The following EXOC6 variants were observed in gnomAD, a reference collection of about 807,000 sequenced individuals.
The protein encoded by EXOC6 is SEC15-like 1.
EXOC6 carries 60 observed loss-of-function variants against 112.5 expected under a neutral mutation model. The ratio of observed to expected loss-of-function variants is 0.53; its 90% CI spans 0.43 to 0.66. EXOC6 has a LOEUF of 0.66. EXOC6 is among the 30% of genes least tolerant of loss of function. The probability of loss-of-function intolerance (pLI) is 0.00; values close to 1 mark genes in which losing one functional copy is unlikely to be tolerated. For synonymous variants in EXOC6, 295 were observed against 308.0 expected (o/e 0.96, Z 0.44); for missense variants, 855 against 957.1 (o/e 0.89, Z 1.41).
At chr10:92,895,412 G>A (rs1406943623) in intron 4 of EXOC6, among the ~76,000 whole-genome samples, 1 of 151,514 alleles carries the variant, frequency 6.6e-6, no homozygotes, top group Non-Finnish European at 1.5e-5. Context: ...ATTGTTTTTT[G>A]TTTGTCACTT....
chr10:92,955,392 A>ATT lies in EXOC6; in HGVS notation c.1639-187_1639-186insTT, dbSNP rs200624598. Reference sequence around the variant, plus strand: ...TTGGTGTGTGTGTGTGTGTGTGTATATATATATATATATAAATTCATACGC... The same window carrying ATT: ...TTGGTGTGTGTGTGTGTGTGTGTATATTTATATATATATATAAATTCATACGC... On this transcript the variant is annotated intron_variant, in intron 16 of 21. Transcript: ENST00000260762. Among the ~76,000 whole-genome samples, 294 of 150,584 alleles carry ATT rather than the reference A, an allele frequency of 2.0e-3. 2 individuals carry two copies. The highest frequency in any genetic ancestry group is 7.0e-3 in the African/African-American group (283 of 40,330).
At chr10:92,969,197 G>T (rs1842187387) in intron 17 of EXOC6, among the ~76,000 whole-genome samples, 2 of 152,146 alleles carry the variant, frequency 1.3e-5, no homozygotes. Context: ...GTGCTGCCAT[G>T]TAAGAAGCCC....
intron 1 of EXOC6, among the ~76,000 whole-genome samples, chr10:92,875,917 A>T (rs1339456838): frequency 1.3e-5 from 2 of 152,064 alleles, no homozygotes; most frequent in Non-Finnish European, 2.9e-5. Flanking sequence ...AATATTCATT[A>T]AAAAAATTTC....
chr10:92,857,720 A>T (rs1847670672), intron 1 of EXOC6, among the ~76,000 whole-genome samples: 1 of 152,214 alleles, frequency 6.6e-6, no homozygotes, highest in Admixed American at 6.5e-5. Context: ...TCAGATAAGA[A>T]ATGAGAAGTA....
chr10:92,878,692 T>G (rs1440822703), intron 1 of EXOC6, among the ~76,000 whole-genome samples: 17 of 152,190 alleles, frequency 1.1e-4, no homozygotes, highest in Non-Finnish European at 1.5e-5. Context: ...TGTCAAACTG[T>G]CACCTGACAT....
chr10:92,828,743 T>G (rs1399287021), intron 1 of EXOC6, among the ~76,000 whole-genome samples: 38 of 148,230 alleles, frequency 2.6e-4, no homozygotes, highest in Non-Finnish European at 5.1e-4. Context: ...TTTTTTTTTT[T>G]TGTGGACCCT....
chr10:92,969,741 T>C (rs890993837), intron 17 of EXOC6, among the ~76,000 whole-genome samples: 6 of 152,212 alleles, frequency 3.9e-5, no homozygotes, highest in African/African-American at 1.4e-4. Flanking sequence ...TTGCCCAGGC[T>C]GGAGTGCAGT....
Position 93,030,783 on chromosome 10 carries a change from G to A in EXOC6, c.2169+16516G>A, listed in dbSNP as rs569807018. 7.2e-5 allele frequency among the ~76,000 whole-genome samples: 11 copies of A among 152,270 alleles called. No homozygotes were observed. In the East Asian group the frequency reaches 9.7e-4, roughly 13 times the overall value. On this transcript the variant is annotated intron_variant, in intron 20 of 21. Coordinates refer to ENST00000260762, the MANE Select transcript of EXOC6 (RefSeq NM_019053.6). Reference sequence around the variant, plus strand: ...GATGGGAACAATTTGAAGGGTAGATGTTTTAGTAAAATGATCAAGATAGGT... The same window carrying A: ...GATGGGAACAATTTGAAGGGTAGATATTTTAGTAAAATGATCAAGATAGGT...
At chr10:93,055,619 C>T (rs1280990945) in intron 20 of EXOC6, among the ~76,000 whole-genome samples, 2 of 152,166 alleles carry the variant, frequency 1.3e-5, no homozygotes, top group African/African-American at 2.4e-5. Context: ...AAAAATTACA[C>T]AGAACTTTAA....
chr10:93,010,918 T>A (rs1048825947), intron 19 of EXOC6, among the ~76,000 whole-genome samples: 2 of 152,150 alleles, frequency 1.3e-5, no homozygotes, highest in African/African-American at 4.8e-5. Context: ...ATTTATAGTA[T>A]CATTAATTTT....
chr10:92,848,566 C>T lies in EXOC6; in HGVS notation c.33C>T (p.Val11=), dbSNP rs769381536. The change falls in exon 1 of 22, where the codon GTC becomes GTT. Residue 11 remains valine, a synonymous_variant. Coordinates refer to ENST00000260762, the MANE Select transcript of EXOC6 (RefSeq NM_019053.6). MAENSESLGT[V]PEHERILQEI... ...AGAACAGCGAGAGTCTGGGCACCGT[C>T]CCCGAGCACGAGCGGATCTTGCAGG... is the stretch of plus-strand genomic sequence containing the variant. 1.2e-5 allele frequency: 18 copies of T among 1,448,802 alleles called. No individual in the cohort carries two copies. In the South Asian group the frequency reaches 2.1e-4, roughly 17 times the overall value. The allele number at this position is 1,448,802 out of a possible 1,614,324, so 89.7% of individuals were successfully genotyped here. A position where few individuals can be genotyped will look rare whatever the true frequency, so the allele number is the denominator to read the frequency against.
At chr10:93,037,899 G>A (rs1426176409) in intron 20 of EXOC6, among the ~76,000 whole-genome samples, 1 of 150,834 alleles carries the variant, frequency 6.6e-6, no homozygotes, top group Non-Finnish European at 1.5e-5. Flanking sequence ...AATTAGCCGG[G>A]CGCGGTGGCG....
At chr10:93,044,963 C>G (rs11187257) in intron 20 of EXOC6, among the ~76,000 whole-genome samples, 13,310 of 152,164 alleles carry the variant, frequency 0.087, 628 homozygotes, top group Admixed American at 0.15. Flanking sequence ...ACCTCCACCT[C>G]CTGGGTTCAA....
chr10:92,972,526 C>G (rs1334834534), intron 17 of EXOC6, among the ~76,000 whole-genome samples: 1 of 152,036 alleles, frequency 6.6e-6, no homozygotes, highest in African/African-American at 2.4e-5. Context: ...TGTGGTGCCA[C>G]CTGTTTTTAC....
At chr10:92,972,203 G>A (rs1842328453) in intron 17 of EXOC6, among the ~76,000 whole-genome samples, 1 of 152,222 alleles carries the variant, frequency 6.6e-6, no homozygotes, top group Admixed American at 6.5e-5. Flanking sequence ...CTTCCTGCTT[G>A]CACATGATAC....
intron 20 of EXOC6, among the ~76,000 whole-genome samples, chr10:93,039,183 T>C (rs1845654766): frequency 6.6e-6 from 1 of 152,220 alleles, no homozygotes; most frequent in Non-Finnish European, 1.5e-5. Flanking sequence ...TGAAGGTATT[T>C]TTTTTATTTG....
At chr10:92,985,163 A>G (rs1271126342) in intron 18 of EXOC6, among the ~76,000 whole-genome samples, 1 of 151,636 alleles carries the variant, frequency 6.6e-6, no homozygotes, top group Admixed American at 6.6e-5. Context: ...GCTCTCCCCA[A>G]AATATTCTTT....
intron 1 of EXOC6, among the ~76,000 whole-genome samples, chr10:92,888,524 G>A (rs1472193161): frequency 6.6e-6 from 1 of 152,142 alleles, no homozygotes; most frequent in Non-Finnish European, 1.5e-5. Context: ...ATCCACAAAA[G>A]CAGTCAAATC....
intron 1 of EXOC6, among the ~76,000 whole-genome samples, chr10:92,838,585 A>C (rs1016977233): frequency 2.0e-5 from 3 of 152,250 alleles, no homozygotes; most frequent in Admixed American, 2.0e-4. Context: ...TTGCATTGCC[A>C]ATGAAACATC....
Sources: gnomAD v4.1 joint callset for allele counts (sites outside exome capture counted in the v4.1 genomes callset) on GRCh38, gnomAD v4.1.1 for gene constraint, MANE v1.5 for transcripts, NCBI Gene and HGNC (gene_info 2026-07-23, HGNC 2026-07-21) for gene names.